The following P2RY6 variants were observed in gnomAD, a reference collection of about 807,000 sequenced individuals.
P2RY6 encodes P2Y purinoceptor 6.
In P2RY6, 19 loss-of-function variants were observed where a neutral mutation model predicts 16.3. That is an observed-to-expected ratio of 1.16 (90% CI 0.81 to 1.71). P2RY6 has a LOEUF of 1.71. Ranked by LOEUF, P2RY6 falls within the 40% of genes most tolerant of loss-of-function variation. The pLI, the probability that P2RY6 is intolerant of heterozygous loss-of-function variation, is 0.00. For synonymous variants in P2RY6, 184 were observed against 201.5 expected, an observed-to-expected ratio of 0.91 and a Z score of 0.74; for missense variants, 389 against 455.5, an observed-to-expected ratio of 0.85 and a Z score of 1.33.
chr11:73,290,813 C>G (rs912535297), intron 1 of P2RY6, among the ~76,000 whole-genome samples: 3 of 152,258 alleles, frequency 2.0e-5, no homozygotes, highest in Admixed American at 2.0e-4. Context: ...CTCCTCTAGG[C>G]CTAGCCAGGT....
In P2RY6 at chr11:73,297,578, C is replaced by T. The variant is rs1331864860; in HGVS notation, c.*73C>T. 1 of 1,191,882 alleles carries T rather than the reference C, an allele frequency of 8.4e-7. No homozygotes were observed. The highest frequency in any genetic ancestry group is 1.2e-6 in the Non-Finnish European group (1 of 831,276). The allele number at this position is 1,191,882 out of a possible 1,614,324, so 73.8% of individuals were successfully genotyped here. On this transcript the variant is annotated 3_prime_UTR_variant, in exon 3 of 3. Transcript: ENST00000540124. ...CACCAGGAGCCCCACCAACCCCAAA[C>T]CATGCGGAGAATTAGAGTTCAGCTC...
intron 1 of P2RY6, among the ~76,000 whole-genome samples, chr11:73,293,863 G>T (rs1299257230): frequency 1.3e-5 from 2 of 152,200 alleles, no homozygotes; most frequent in Admixed American, 6.5e-5. Context: ...GGGATCTGAG[G>T]GTGCAGGCCT....
intron 1 of P2RY6, among the ~76,000 whole-genome samples, chr11:73,280,639 C>A (rs1171486799): frequency 6.6e-6 from 1 of 152,206 alleles, no homozygotes; most frequent in South Asian, 2.1e-4. Context: ...CACTGAACAC[C>A]TGTGGGCAGG....
At chr11:73,284,268 C>T (rs1429432281) in intron 1 of P2RY6, among the ~76,000 whole-genome samples, 3 of 152,120 alleles carry the variant, frequency 2.0e-5, no homozygotes, top group Non-Finnish European at 4.4e-5. Context: ...CAGGATGGAG[C>T]AGTCTGGTGT....
Position 73,298,038 on chromosome 11 carries a change from C to T in P2RY6, c.*533C>T, listed in dbSNP as rs1365648686. ...GAACCAGTCCTAGCCCTGGTCCATA[C>T]GGGCTCCCAACTGCTGGAAGTACAG... On this transcript the variant is annotated 3_prime_UTR_variant, in exon 3 of 3. Transcript: ENST00000540124. 3 of 171,878 alleles carry T rather than the reference C, an allele frequency of 1.7e-5. No individual in the cohort carries two copies. The highest frequency in any genetic ancestry group is 2.0e-4 in the South Asian group (1 of 4,910). The allele number at this position is 171,878 out of a possible 1,614,324, so 10.6% of individuals were successfully genotyped here.
At position 73,296,942 on chromosome 11, in the gene P2RY6, C is replaced by T. The variant is rs756445945; in HGVS notation, c.424C>T (p.Arg142Trp). 1.2e-5 allele frequency: 19 copies of T among 1,605,930 alleles called. No homozygotes were observed. In the African/African-American group the frequency reaches 1.2e-4, roughly 10 times the overall value. The stretch of plus-strand genomic sequence containing the variant: ...CCCCTGGCACAAACGTGGGGGCCGC[C>T]GGGCTGCCTGGCTAGTGTGTGTAGC... ...LAPWHKRGGR[R>W]AAWLVCVAVW... is the part of the protein sequence containing the mutation. The change falls in exon 3 of 3, where the codon CGG becomes TGG. Residue 142 changes from arginine to tryptophan, a missense_variant. By Grantham distance (101) the Arg-to-Trp change is moderately radical (BLOSUM62 -3). Coordinates refer to ENST00000540124, the MANE Select transcript of P2RY6 (RefSeq NM_001277204.2).
intron 1 of P2RY6, among the ~76,000 whole-genome samples, chr11:73,267,044 C>T (rs375238560): frequency 6.6e-5 from 10 of 152,342 alleles, no homozygotes; most frequent in African/African-American, 2.4e-4. Context: ...TATAATTCCA[C>T]ACCCCTAGCC....
At chr11:73,269,182 A>G (rs967713997), upstream of P2RY6, among the ~76,000 whole-genome samples, 2 of 152,162 alleles carry the variant, frequency 1.3e-5, no homozygotes, top group African/African-American at 4.8e-5. Flanking sequence ...CACCTGATTT[A>G]TTGTAAAGGA....
intron 1 of P2RY6, among the ~76,000 whole-genome samples, chr11:73,276,942 C>T (rs1241531288): frequency 6.6e-6 from 1 of 152,014 alleles, no homozygotes; most frequent in Non-Finnish European, 1.5e-5. Context: ...AATGTTGGTC[C>T]TCAGGTAGGT....
At chr11:73,276,308 G>A (rs1372969379) in intron 1 of P2RY6, among the ~76,000 whole-genome samples, 2 of 152,226 alleles carry the variant, frequency 1.3e-5, no homozygotes, top group Admixed American at 6.5e-5. Context: ...TTGGAGTGCA[G>A]TTAGGCAGCA....
Position 73,297,520 on chromosome 11 carries a change from G to A in P2RY6, c.*15G>A, listed in dbSNP as rs1049897154. On this transcript the variant is annotated 3_prime_UTR_variant, in exon 3 of 3. Coordinates refer to ENST00000540124, the MANE Select transcript of P2RY6 (RefSeq NM_001277204.2). ...AGGGTCGCTGAGTCCTCCAGGTCCT[G>A]GGCAGCCTTCATATTTGCCATTGTG... 1 of 1,591,364 alleles carries A rather than the reference G, an allele frequency of 6.3e-7. No individual in the cohort carries two copies. The highest frequency in any genetic ancestry group is 1.1e-5 in the South Asian group (1 of 90,002).
chr11:73,272,432 C>A lies in P2RY6; in HGVS notation c.-155C>A. On this transcript the variant is annotated 5_prime_UTR_variant, in exon 1 of 3. Coordinates refer to ENST00000540124, the MANE Select transcript of P2RY6 (RefSeq NM_001277204.2). ...CGAGTGGGAATTTGCTCCAGCACTTCACGGACTGCAAGCGAGGCACTTGCT... is the reference window on the plus strand; with the variant it reads ...CGAGTGGGAATTTGCTCCAGCACTTAACGGACTGCAAGCGAGGCACTTGCT... 1.0e-6 allele frequency: 1 copy of A among 985,566 alleles called. No homozygotes were observed. The allele number at this position is 985,566 out of a possible 1,614,324, so 61.1% of individuals were successfully genotyped here.
intron 1 of P2RY6, among the ~76,000 whole-genome samples, chr11:73,294,605 A>G (rs777446299): frequency 6.6e-6 from 1 of 152,240 alleles, no homozygotes; most frequent in Non-Finnish European, 1.5e-5. Flanking sequence ...AGAATCTTTG[A>G]TAACTGAGAG....
At chr11:73,272,556 C>T (rs1027821356) in intron 1 of P2RY6, 90 bp downstream of exon 1, 28 of 966,066 alleles carry the variant, frequency 2.9e-5, no homozygotes, top group South Asian at 4.8e-5. Context: ...TTGCAGCCAC[C>T]GAGGCTCATC....
intron 1 of P2RY6, among the ~76,000 whole-genome samples, chr11:73,275,992 G>A (rs1292542274): frequency 6.6e-6 from 1 of 152,232 alleles, no homozygotes; most frequent in Non-Finnish European, 1.5e-5. Flanking sequence ...CATATAACTA[G>A]TAGATGCAGA....
chr11:73,272,362 C>T lies in P2RY6; in HGVS notation c.-225C>T, dbSNP rs955574458. On this transcript the variant is annotated 5_prime_UTR_variant, in exon 1 of 3. Coordinates refer to ENST00000540124, the MANE Select transcript of P2RY6 (RefSeq NM_001277204.2). Reference sequence around the variant, plus strand: ...CAGACTTCTGCCAGAACATTGCACGCGACAGTTTCAGGCACAGAACTGACT... The same window carrying T: ...CAGACTTCTGCCAGAACATTGCACGTGACAGTTTCAGGCACAGAACTGACT... The T allele has an allele frequency of 5.3e-5, 52 of 985,426 alleles. No homozygotes were observed. Among genetic ancestry groups the T allele is most frequent in the Middle Eastern group, 5.2e-4 (1 of 1,936 alleles). 61.0% of individuals were successfully genotyped at this position (985,426 alleles called of 1,614,324 possible).
chr11:73,267,095 A>G (rs1314059742), intron 1 of P2RY6, among the ~76,000 whole-genome samples: 1 of 152,216 alleles, frequency 6.6e-6, no homozygotes, highest in African/African-American at 2.4e-5. Context: ...GAAGTCTACA[A>G]TTCGAACTCC....
chr11:73,276,762 T>C (rs1419116008), intron 1 of P2RY6, among the ~76,000 whole-genome samples: 2 of 152,252 alleles, frequency 1.3e-5, no homozygotes, highest in African/African-American at 4.8e-5. Flanking sequence ...CTATGGTTAT[T>C]AAAATGTTCT....
chr11:73,270,752 C>T (rs1863267687), upstream of P2RY6, among the ~76,000 whole-genome samples: 2 of 152,102 alleles, frequency 1.3e-5, no homozygotes, highest in South Asian at 4.1e-4. Flanking sequence ...TCCCAGTCTT[C>T]GCACTAGCCT....
Sources: allele counts gnomAD v4.1 joint callset (sites outside exome capture counted in the v4.1 genomes callset), GRCh38; gene constraint gnomAD v4.1.1; transcripts MANE v1.5; gene names NCBI Gene and HGNC (gene_info 2026-07-23, HGNC 2026-07-21).